Variants in DCT observed in about 807,000 individuals in gnomAD.
DCT encodes dopachrome tautomerase, also known as L-dopachrome tautomerase.
In DCT, 47 loss-of-function variants were observed where a neutral mutation model predicts 53.0. The ratio of observed to expected loss-of-function variants is 0.89; its 90% CI spans 0.70 to 1.13. DCT has a LOEUF of 1.13. DCT is among the 50% of genes most tolerant of loss of function. The pLI, the probability that DCT is intolerant of heterozygous loss-of-function variation, is 0.00. For missense variants in DCT, 669 were observed against 637.4 expected, an observed-to-expected ratio of 1.05 and a Z score of -0.53; for synonymous variants, 244 against 237.0, an observed-to-expected ratio of 1.03 and a Z score of -0.27.
Position 94,436,915 on chromosome 13 carries a change from A to G in DCT, c.*2983T>C, listed in dbSNP as rs1594259301. ...GAAATAGGAAGAGCTTCAACCTTAGAGTCTCCAACAAATTGACCCATCTTG... is the reference window on the plus strand; with the variant it reads ...GAAATAGGAAGAGCTTCAACCTTAGGGTCTCCAACAAATTGACCCATCTTG... On this transcript the variant is annotated 3_prime_UTR_variant, in exon 8 of 8. Coordinates refer to ENST00000377028, the MANE Select transcript of DCT (RefSeq NM_001922.5). 6.6e-6 allele frequency: 1 copy of G among 152,212 alleles called. No homozygotes were observed. Among genetic ancestry groups the G allele is most frequent in the Non-Finnish European group, 1.5e-5 (1 of 68,032 alleles). 9.4% of individuals were successfully genotyped at this position (152,212 alleles called of 1,614,324 possible).
intron 7 of DCT, among the ~76,000 whole-genome samples, chr13:94,441,857 A>G (rs1022760812): frequency 6.6e-6 from 1 of 152,150 alleles, no homozygotes; most frequent in African/African-American, 2.4e-5. Flanking sequence ...TTTTAGGTAT[A>G]CCAGAAGTAT....
the DCT span, among the ~76,000 whole-genome samples, chr13:94,494,902 C>T: frequency 6.6e-6 from 1 of 152,092 alleles, no homozygotes; most frequent in Non-Finnish European, 1.5e-5. Context: ...ATAGAATACT[C>T]ATTGTATAGT....
At chr13:94,527,861 A>G in the DCT span, among the ~76,000 whole-genome samples, 1 of 148,114 alleles carries the variant, frequency 6.8e-6, no homozygotes, top group Non-Finnish European at 1.5e-5. Flanking sequence ...AGCATGTTCT[A>G]ACCCATCACA....
intron 1 of DCT, among the ~76,000 whole-genome samples, chr13:94,472,684 C>T (rs1370061987): frequency 2.8e-5 from 4 of 143,644 alleles, no homozygotes; most frequent in South Asian, 4.6e-4. Flanking sequence ...CCGGTTCAAG[C>T]GATTCTCCTG....
At chr13:94,487,900 T>G in the DCT span, among the ~76,000 whole-genome samples, 1 of 152,140 alleles carries the variant, frequency 6.6e-6, no homozygotes, top group African/African-American at 2.4e-5. Context: ...TGGTATGAAT[T>G]GTTCTTCAGA....
chr13:94,492,574 C>T, the DCT span, among the ~76,000 whole-genome samples: 1 of 152,188 alleles, frequency 6.6e-6, no homozygotes, highest in East Asian at 1.9e-4. Context: ...ATGACTATTA[C>T]TTGGACTACA....
At chr13:94,496,022 C>T in the DCT span, among the ~76,000 whole-genome samples, 8 of 152,146 alleles carry the variant, frequency 5.3e-5, no homozygotes, top group African/African-American at 1.9e-4. Flanking sequence ...CTCTGCCTTT[C>T]TCTGCCCTAT....
At chr13:94,512,551 C>T in the DCT span, among the ~76,000 whole-genome samples, 1 of 152,150 alleles carries the variant, frequency 6.6e-6, no homozygotes, top group Non-Finnish European at 1.5e-5. Context: ...GAAAAAACGA[C>T]AAACTATTTA....
chr13:94,461,183 G>A (rs1028567313), intron 5 of DCT, among the ~76,000 whole-genome samples: 1 of 152,210 alleles, frequency 6.6e-6, no homozygotes, highest in Non-Finnish European at 1.5e-5. Flanking sequence ...TCAAAATGCA[G>A]TGCTCAGACC....
At chr13:94,497,311 T>A in the DCT span, among the ~76,000 whole-genome samples, 6 of 152,174 alleles carry the variant, frequency 3.9e-5, no homozygotes, top group Non-Finnish European at 5.9e-5. Flanking sequence ...ACTCTGCAGA[T>A]CTTGGACTTG....
chr13:94,518,933 C>G, the DCT span, among the ~76,000 whole-genome samples: 1 of 152,166 alleles, frequency 6.6e-6, no homozygotes, highest in Non-Finnish European at 1.5e-5. Flanking sequence ...GGCCTTATCT[C>G]AATTCTTAGA....
chr13:94,497,874 A>ATGTGTG, the DCT span, among the ~76,000 whole-genome samples: 471 of 150,196 alleles, frequency 3.1e-3, 7 homozygotes, highest in African/African-American at 9.1e-3. Flanking sequence ...GGGGTCACCT[A>ATGTGTG]TATGTGTGTG....
At chr13:94,517,161 C>T in the DCT span, among the ~76,000 whole-genome samples, 1 of 152,170 alleles carries the variant, frequency 6.6e-6, no homozygotes, top group Non-Finnish European at 1.5e-5. Flanking sequence ...GATTTTCTAA[C>T]AATTTCTCTT....
At chr13:94,468,460 A>C in intron 2 of DCT, 1 of 307,670 alleles carries the variant, frequency 3.3e-6, no homozygotes, top group Non-Finnish European at 6.1e-6. Flanking sequence ...CACCTCACCA[A>C]CTCACATCTT....
the DCT span, among the ~76,000 whole-genome samples, chr13:94,536,670 C>T: frequency 3.9e-5 from 6 of 152,100 alleles, no homozygotes; most frequent in South Asian, 2.1e-4. Context: ...TGGCTGGGCA[C>T]GGTGGCTCAC....
Position 94,479,089 on chromosome 13 carries a change from T to C in DCT, c.167A>G (p.Gln56Arg), listed in dbSNP as rs887487078. The C allele has an allele frequency of 3.1e-6, 5 of 1,614,228 alleles. No homozygotes were observed. In the East Asian group the frequency reaches 1.1e-4, roughly 36 times the overall value. ...CACCTCTGTGCACTGCCCCCGGCCT[T>C]GCTGAGAGCCACAGACATTGGCCGA... ...AESANVCGSQQGRGQCTEVRA... is the reference protein window; with the variant it reads ...AESANVCGSQRGRGQCTEVRA... The change falls in exon 1 of 8, where the codon CAA becomes CGA. Residue 56 changes from glutamine to arginine, a missense_variant. Coordinates refer to ENST00000377028, the MANE Select transcript of DCT (RefSeq NM_001922.5).
At chr13:94,445,480 G>A (rs990683827) in intron 6 of DCT, among the ~76,000 whole-genome samples, 11 of 152,124 alleles carry the variant, frequency 7.2e-5, no homozygotes, top group African/African-American at 2.4e-4. Context: ...AACAGATAGC[G>A]GGCCAGTCCA....
At chr13:94,505,758 T>C in the DCT span, among the ~76,000 whole-genome samples, 1 of 152,232 alleles carries the variant, frequency 6.6e-6, no homozygotes, top group Non-Finnish European at 1.5e-5. Context: ...ACTATTGTCT[T>C]CTCAGCTTGA....
intron 4 of DCT, among the ~76,000 whole-genome samples, chr13:94,463,162 G>A (rs933248978): frequency 6.6e-6 from 1 of 151,920 alleles, no homozygotes; most frequent in Non-Finnish European, 1.5e-5. Flanking sequence ...TTAGAGATAG[G>A]GTCTCACTCT....
Sources: allele counts gnomAD v4.1 joint callset (sites outside exome capture counted in the v4.1 genomes callset), GRCh38; gene constraint gnomAD v4.1.1; transcripts MANE v1.5; gene names NCBI Gene and HGNC (gene_info 2026-07-23, HGNC 2026-07-21).